ICA1L: variants seen among roughly 807,000 people sequenced by gnomAD.
ICA1L encodes islet cell autoantigen 1-like protein.
Under a neutral mutation model 61.3 loss-of-function variants are expected in ICA1L, and 50 were observed. That is an observed-to-expected ratio of 0.82 (90% CI 0.65 to 1.03). ICA1L has a LOEUF of 1.03. Ranked by LOEUF, ICA1L falls within the 50% of genes least tolerant of loss-of-function variation. ICA1L has a pLI of 0.00. For missense variants in ICA1L, 508 were observed against 556.7 expected, an observed-to-expected ratio of 0.91 and a Z score of 0.88; for synonymous variants, 161 against 191.3, an observed-to-expected ratio of 0.84 and a Z score of 1.31.
intron 1 of ICA1L, chr2:202,870,460 G>A (rs185520477): frequency 1.3e-5 from 2 of 152,248 alleles, no homozygotes; most frequent in African/African-American, 4.8e-5. Context: ...AAAGAATACT[G>A]GGTATGATAG....
chr2:202,800,685 G>C (rs970259421), intron 9 of ICA1L, among the ~76,000 whole-genome samples: 4 of 152,204 alleles, frequency 2.6e-5, no homozygotes, highest in Non-Finnish European at 5.9e-5. Context: ...AGGGTGGAAA[G>C]TGTTGCTGTA....
Position 202,776,868 on chromosome 2 carries a change from G to C in ICA1L, c.*2665C>G, listed in dbSNP as rs1692238858. ...AGAACTTTTGCTTTTGGAAAATTTA[G>C]GGTGTTCCTAGTATGGACTTTGGGT... On this transcript the variant is annotated 3_prime_UTR_variant, in exon 13 of 13. Coordinates refer to ENST00000358299, the MANE Select transcript of ICA1L (RefSeq NM_001288622.3). The C allele has an allele frequency of 6.6e-6, 1 of 152,016 alleles. No homozygotes were observed. The highest frequency in any genetic ancestry group is 2.4e-5 in the African/African-American group (1 of 41,376). The allele number at this position is 152,016 out of a possible 1,614,324, so 9.4% of individuals were successfully genotyped here.
At chr2:202,826,086 A>G (rs921426359) in intron 2 of ICA1L, among the ~76,000 whole-genome samples, 3 of 152,204 alleles carry the variant, frequency 2.0e-5, no homozygotes, top group African/African-American at 7.2e-5. Context: ...AATCTAATAT[A>G]AACTGCATCA....
intron 3 of ICA1L, among the ~76,000 whole-genome samples, chr2:202,825,257 C>A (rs1454874051): frequency 6.6e-6 from 1 of 152,052 alleles, no homozygotes; most frequent in Non-Finnish European, 1.5e-5. Flanking sequence ...TCACTTGAGG[C>A]CAGGAGTTTG....
chr2:202,831,578 T>A (rs946795865), intron 1 of ICA1L, among the ~76,000 whole-genome samples: 5 of 152,158 alleles, frequency 3.3e-5, no homozygotes, highest in South Asian at 2.1e-4. Flanking sequence ...CTACATCAAC[T>A]TCCATATTGA....
In ICA1L at chr2:202,814,701, C is replaced by G. The variant is rs1023983938; in HGVS notation, c.866+1G>C. On this transcript the variant is annotated splice_donor_variant, in intron 8 of 12. Coordinates refer to ENST00000358299, the MANE Select transcript of ICA1L (RefSeq NM_001288622.3). LOFTEE classifies it high-confidence loss of function. The stretch of plus-strand genomic sequence containing the variant: ...GACACAGATGACTTATGCCTGCTTA[C>G]TTATTGAGCTGTTCAGTAAGAAAAC... 1.2e-6 allele frequency: 2 copies of G among 1,606,456 alleles called. No individual in the cohort carries two copies. The highest frequency in any genetic ancestry group is 8.5e-7 in the Non-Finnish European group (1 of 1,173,494).
chr2:202,814,984 G>A (rs1693492102), intron 7 of ICA1L, among the ~76,000 whole-genome samples, 200 bp from the exon 8 acceptor site: 1 of 152,232 alleles, frequency 6.6e-6, no homozygotes, highest in Non-Finnish European at 1.5e-5. Context: ...CTGGCTGCCT[G>A]TGCAAACTGC....
At chr2:202,805,734 G>GA (rs1693206083) in intron 9 of ICA1L, among the ~76,000 whole-genome samples, 1 of 151,946 alleles carries the variant, frequency 6.6e-6, no homozygotes, top group Non-Finnish European at 1.5e-5. Flanking sequence ...GATTAATCAA[G>GA]AAAAAAGGGA....
chr2:202,780,134 C>T (rs1324515042), intron 12 of ICA1L, among the ~76,000 whole-genome samples: 1 of 152,084 alleles, frequency 6.6e-6, no homozygotes, highest in South Asian at 2.1e-4. Flanking sequence ...TAAACTTGTT[C>T]ATATCAAGTA....
chr2:202,833,867 A>T (rs1694077122), intron 1 of ICA1L, among the ~76,000 whole-genome samples: 1 of 152,212 alleles, frequency 6.6e-6, no homozygotes, highest in Non-Finnish European at 1.5e-5. Context: ...AATCTAAAAA[A>T]GTTGAACTAA....
chr2:202,779,891 C>T (rs1692346285), intron 12 of ICA1L, among the ~76,000 whole-genome samples: 1 of 150,804 alleles, frequency 6.6e-6, no homozygotes, highest in South Asian at 2.1e-4. Flanking sequence ...GTGATTCTCC[C>T]ACCTCAGCCT....
chr2:202,801,370 A>AAGAT (rs1693082787), intron 9 of ICA1L, among the ~76,000 whole-genome samples: 1 of 152,200 alleles, frequency 6.6e-6, no homozygotes, highest in Non-Finnish European at 1.5e-5. Flanking sequence ...AATTGGGATT[A>AAGAT]AGATAGGCAG....
Position 202,825,737 on chromosome 2 carries a change from C to A in ICA1L, c.193G>T (p.Glu65Ter). ...VFHSVQETCTELLKIIEKYQL... is the reference protein window; with the variant it reads ...VFHSVQETCT ...TATTTCTCGATTATCTTCAGAAGTT[C>A]AGTGCATGTCTCTTGAACAGAGTGA... is the stretch of plus-strand genomic sequence containing the variant. Residue 65 changes from glutamate to a stop codon, truncating the protein, a stop_gained, in exon 3 of 13, where the codon GAA (glutamate) becomes TAA (stop). Transcript: ENST00000358299. LOFTEE classifies it high-confidence loss of function. The A allele has an allele frequency of 6.3e-7, 1 of 1,586,034 alleles. No individual in the cohort carries two copies. The highest frequency in any genetic ancestry group is 1.1e-5 in the South Asian group (1 of 89,252).
At chr2:202,855,507 C>T (rs1311467707) in intron 1 of ICA1L, among the ~76,000 whole-genome samples, 1 of 152,126 alleles carries the variant, frequency 6.6e-6, no homozygotes, top group Non-Finnish European at 1.5e-5. Context: ...CTATAAACAC[C>T]TCTATGGAAA....
chr2:202,797,427 C>T (rs1692965648), intron 9 of ICA1L, among the ~76,000 whole-genome samples: 1 of 152,174 alleles, frequency 6.6e-6, no homozygotes, highest in Admixed American at 6.5e-5. Context: ...TAATCTGTCA[C>T]ATACAACATG....
chr2:202,780,950 G>C (rs1692383774), intron 12 of ICA1L, among the ~76,000 whole-genome samples: 1 of 152,000 alleles, frequency 6.6e-6, no homozygotes. Flanking sequence ...GACTAAATAG[G>C]GGCACTATTA....
intron 1 of ICA1L, among the ~76,000 whole-genome samples, chr2:202,864,226 A>G (rs986519340): frequency 6.6e-6 from 1 of 152,100 alleles, no homozygotes; most frequent in Non-Finnish European, 1.5e-5. Flanking sequence ...AGACATTACA[A>G]GAAAAGATTA....
At chr2:202,848,868 C>T (rs1694536424) in intron 1 of ICA1L, among the ~76,000 whole-genome samples, 1 of 152,082 alleles carries the variant, frequency 6.6e-6, no homozygotes, top group Non-Finnish European at 1.5e-5. Flanking sequence ...ATAGGAACAG[C>T]TCTGGTCTGC....
At chr2:202,871,112 T>G (rs185576057) in intron 1 of ICA1L, 17 of 152,044 alleles carry the variant, frequency 1.1e-4, no homozygotes, top group Admixed American at 5.3e-4. Context: ...AATTAGTTTC[T>G]AAGGAAGACA....
Sources: allele counts gnomAD v4.1 joint callset (sites outside exome capture counted in the v4.1 genomes callset), GRCh38; gene constraint gnomAD v4.1.1; transcripts MANE v1.5; gene names NCBI Gene and HGNC (gene_info 2026-07-23, HGNC 2026-07-21).